Variants in FAM114A1 observed in about 807,000 individuals in gnomAD.
The protein encoded by FAM114A1 is protein NOXP20.
Under a neutral mutation model 64.3 loss-of-function variants are expected in FAM114A1, and 62 were observed. That is an observed-to-expected ratio of 0.96 (90% CI 0.79 to 1.19). The LOEUF (loss-of-function observed/expected upper bound fraction) is 1.19, where lower values mean the gene tolerates loss of function less well. Ranked by LOEUF, FAM114A1 falls within the 50% of genes most tolerant of loss-of-function variation. FAM114A1 has a pLI of 0.00. For missense variants in FAM114A1, 645 were observed against 676.3 expected, an observed-to-expected ratio of 0.95 and a Z score of 0.51; for synonymous variants, 254 against 251.1, an observed-to-expected ratio of 1.01 and a Z score of -0.11.
At chr4:38,935,955 A>T (rs1269400383) in intron 13 of FAM114A1, among the ~76,000 whole-genome samples, 165 bp downstream of exon 13, 1 of 152,228 alleles carries the variant, frequency 6.6e-6, no homozygotes, top group Non-Finnish European at 1.5e-5. Flanking sequence ...CAGGCAGCTT[A>T]GGACTCTCCT....
chr4:38,909,106 T>C (rs1050260872), intron 7 of FAM114A1, among the ~76,000 whole-genome samples: 2 of 152,238 alleles, frequency 1.3e-5, no homozygotes, highest in African/African-American at 4.8e-5. Flanking sequence ...CCTTGCTTAA[T>C]TCACTTAATA....
intron 8 of FAM114A1, among the ~76,000 whole-genome samples, chr4:38,922,147 G>A (rs1043802884): frequency 1.1e-4 from 16 of 152,146 alleles, no homozygotes; most frequent in East Asian, 5.8e-4. Context: ...TCACCCTGTC[G>A]GCCAGGATGG....
rs144418419 is a variant in FAM114A1, at chr4:38,906,081, G to A, written c.657+220G>A. ...AATATATTTTATGTTTAAAAGAAGG[G>A]AGCTGTTTGGAAGGAACATTTTTCA... On this transcript the variant is annotated intron_variant, in intron 6 of 14. Transcript: ENST00000358869. Among the ~76,000 whole-genome samples, 496 of 152,226 alleles carry A rather than the reference G, an allele frequency of 3.3e-3. 2 individuals carry two copies. Among genetic ancestry groups the A allele is most frequent in the African/African-American group, 0.011 (464 of 41,536 alleles).
At position 38,929,065 on chromosome 4, in the gene FAM114A1, C is replaced by T. The variant is rs143202780; in HGVS notation, c.1070-177C>T. 2.5e-3 allele frequency: 1,478 copies of T among 587,334 alleles called. 18 individuals are homozygous for T. The highest frequency in any genetic ancestry group is 0.023 in the African/African-American group (1,217 of 53,850). 36.4% of individuals were successfully genotyped at this position (587,334 alleles called of 1,614,324 possible). A position where few individuals can be genotyped will look rare whatever the true frequency, so the allele number is the denominator to read the frequency against. ...GCGGCCCTGCACCCGGATGCATCTG[C>T]TGCCTCACTGCCATGCTCACGAATG... On this transcript the variant is annotated intron_variant, in intron 9 of 14. Transcript: ENST00000358869.
chr4:38,878,157 C>T lies in FAM114A1; in HGVS notation c.79C>T (p.Pro27Ser), dbSNP rs1714845696. ...TGAGATGCCTAATAGTGATTCTTTACCTGAGGATGCAGAAGTGCATTGTGA... is the reference window on the plus strand; with the variant it reads ...TGAGATGCCTAATAGTGATTCTTTATCTGAGGATGCAGAAGTGCATTGTGA... Reference protein sequence around the residue: ...VTEMPNSDSLPEDAEVHCDSA... With the variant: ...VTEMPNSDSLSEDAEVHCDSA... The change falls in exon 3 of 15, where the codon CCT becomes TCT. Residue 27 changes from proline (P) to serine (S), a missense_variant. By Grantham distance (74) the Pro-to-Ser change is moderately conservative. Coordinates refer to ENST00000358869, the MANE Select transcript of FAM114A1 (RefSeq NM_138389.4). The T allele has an allele frequency of 1.9e-6, 3 of 1,614,162 alleles. No individual in the cohort carries two copies. Among genetic ancestry groups the T allele is most frequent in the Non-Finnish European group, 1.7e-6 (2 of 1,180,030 alleles).
intron 13 of FAM114A1, among the ~76,000 whole-genome samples, chr4:38,939,459 TG>T (rs1721411671): frequency 6.6e-6 from 1 of 152,202 alleles, no homozygotes. Flanking sequence ...TGAAAACCAA[TG>T]TCATCTTATT....
intron 13 of FAM114A1, among the ~76,000 whole-genome samples, chr4:38,939,348 T>C (rs1721396624): frequency 6.6e-6 from 1 of 152,152 alleles, no homozygotes; most frequent in Admixed American, 6.6e-5. Context: ...ATCAAGTCAG[T>C]GTTTCTGTTC....
chr4:38,894,644 G>C (rs1383271695), intron 4 of FAM114A1, among the ~76,000 whole-genome samples: 1 of 152,166 alleles, frequency 6.6e-6, no homozygotes, highest in Non-Finnish European at 1.5e-5. Context: ...TAAATTCAAT[G>C]GGCGAGCTGT....
intron 14 of FAM114A1, among the ~76,000 whole-genome samples, chr4:38,942,372 CAGA>C (rs1023145232): frequency 7.9e-5 from 12 of 152,094 alleles, no homozygotes; most frequent in Admixed American, 7.9e-4. Context: ...TGGCATCAGC[CAGA>C]AGGAATAGGA....
intron 1 of FAM114A1, chr4:38,868,070 TGA>T (rs1392694220): frequency 3.6e-5 from 15 of 413,008 alleles, no homozygotes; most frequent in East Asian, 1.9e-4. Context: ...TGTGTGTGTG[TGA>T]GTGTGTGTCG....
chr4:38,889,614 A>G (rs1229147614), intron 3 of FAM114A1, among the ~76,000 whole-genome samples: 1 of 152,162 alleles, frequency 6.6e-6, no homozygotes, highest in Non-Finnish European at 1.5e-5. Flanking sequence ...TTTGCATTTT[A>G]TAATGAGGAA....
rs138558354 is a variant in FAM114A1, at chr4:38,922,176, G to A, written c.946-594G>A. Among the ~76,000 whole-genome samples, 714 of 152,268 alleles carry A rather than the reference G, an allele frequency of 4.7e-3. 5 individuals are homozygous for A. The highest frequency in any genetic ancestry group is 0.017 in the African/African-American group (689 of 41,566). On this transcript the variant is annotated intron_variant, in intron 8 of 14. Transcript: ENST00000358869. ...AGGATGGTCTTGATGTCCTGACCTC[G>A]TGATCCGCCTGCCTCGGCCTCCCAA...
intron 14 of FAM114A1, among the ~76,000 whole-genome samples, chr4:38,941,265 C>T (rs1721561254): frequency 6.6e-6 from 1 of 152,150 alleles, no homozygotes; most frequent in East Asian, 1.9e-4. Context: ...TTATTTCTGT[C>T]ACTGTTTCCT....
intron 12 of FAM114A1, among the ~76,000 whole-genome samples, chr4:38,933,778 A>G (rs1720859919): frequency 6.6e-6 from 1 of 152,196 alleles, no homozygotes; most frequent in South Asian, 2.1e-4. Context: ...AGGAGCCAAA[A>G]TAGAGCCCCT....
chr4:38,943,191 CAAAAAA>C (rs1255932256), intron 14 of FAM114A1, among the ~76,000 whole-genome samples: 3 of 88,876 alleles, frequency 3.4e-5, no homozygotes, highest in Admixed American at 1.3e-4. Context: ...GACTCTGTCT[CAAAAAA>C]AAAAAAAAAA....
intron 3 of FAM114A1, among the ~76,000 whole-genome samples, chr4:38,885,347 C>T (rs1337374580): frequency 6.6e-6 from 1 of 152,144 alleles, no homozygotes; most frequent in Non-Finnish European, 1.5e-5. Context: ...AAGATCATAG[C>T]TCACTGCAGT....
intron 2 of FAM114A1, among the ~76,000 whole-genome samples, chr4:38,869,738 G>A (rs1370955957): frequency 1.3e-5 from 2 of 151,074 alleles, no homozygotes; most frequent in Admixed American, 6.6e-5. Flanking sequence ...TTTTAACTGG[G>A]GGAGATGACC....
intron 11 of FAM114A1, among the ~76,000 whole-genome samples, chr4:38,931,929 T>C (rs1170343756): frequency 6.6e-6 from 1 of 152,186 alleles, no homozygotes. Context: ...AAATATCCAT[T>C]GAGCTCTGTT....
At position 38,930,938 on chromosome 4, in the gene FAM114A1, T is replaced by C. The variant is rs1397156778; in HGVS notation, c.1162-513T>C. Among the ~76,000 whole-genome samples, 3 of 152,146 alleles carry C rather than the reference T, an allele frequency of 2.0e-5. No homozygotes were observed. In the East Asian group the frequency reaches 5.8e-4, roughly 29 times the overall value. On this transcript the variant is annotated intron_variant, in intron 10 of 14. Transcript: ENST00000358869. The stretch of plus-strand genomic sequence containing the variant: ...CTCCCCCTTGAGGGTGGAAGACCTG[T>C]CATGAATCAAGAAACGCAGAGCCCT...
Sources: gnomAD v4.1 joint callset for allele counts (sites outside exome capture counted in the v4.1 genomes callset) on GRCh38, gnomAD v4.1.1 for gene constraint, MANE v1.5 for transcripts, NCBI Gene and HGNC (gene_info 2026-07-23, HGNC 2026-07-21) for gene names.